Variants in DYNC1H1 observed in about 807,000 individuals in gnomAD.
The protein encoded by DYNC1H1 is cytoplasmic dynein 1 heavy chain 1.
Under a neutral mutation model 527.1 loss-of-function variants are expected in DYNC1H1, and 51 were observed. The ratio of observed to expected loss-of-function variants is 0.10; its 90% CI spans 0.08 to 0.12. The LOEUF (loss-of-function observed/expected upper bound fraction) is 0.12, where lower values mean the gene tolerates loss of function less well. DYNC1H1 is among the 10% of genes least tolerant of loss of function. The probability of loss-of-function intolerance (pLI) is 1.00; values close to 1 mark genes in which losing one functional copy is unlikely to be tolerated. For missense variants in DYNC1H1, 2,771 were observed against 5,971.8 expected (o/e 0.46, Z 17.66); for synonymous variants, 2,189 against 2,278.8 (o/e 0.96, Z 1.12).
intron 15 of DYNC1H1, 25 bp downstream of exon 15, chr14:101,995,325 T>A (rs751475555): frequency 1.2e-6 from 2 of 1,613,262 alleles, no homozygotes; most frequent in Admixed American, 1.7e-5. Flanking sequence ...TATTTAAAAA[T>A]TTTTGGCTGG....
Position 102,044,193 on chromosome 14 carries a change from G to A in DYNC1H1, c.12685-81G>A, listed in dbSNP as rs2048686873. On this transcript the variant is annotated intron_variant, in intron 70 of 77. Transcript: ENST00000360184. The surrounding 1 kb of genome is among the most constrained non-coding windows in gnomAD (Gnocchi z 7.1). ...CCTAGCTGGCCATGGGGAGTGAGGA[G>A]GAAAGCTGTGCCCCTCGAAAGGAAG... 13 of 1,591,340 alleles carry A rather than the reference G, an allele frequency of 8.2e-6. No individual in the cohort carries two copies. The highest frequency in any genetic ancestry group is 1.3e-5 in the African/African-American group (1 of 74,474).
chr14:102,042,463 C>G lies in DYNC1H1; in HGVS notation c.12355C>G (p.His4119Asp). The change falls in exon 68 of 78, where the codon CAT becomes GAT. Residue 4119 changes from histidine to aspartate, a missense_variant. Coordinates refer to ENST00000360184, the MANE Select transcript of DYNC1H1 (RefSeq NM_001376.5). The surrounding 1 kb of genome is among the most constrained non-coding windows in gnomAD (Gnocchi z 5.7). Reference sequence around the variant, plus strand: ...GAAGAAGTTGCATTCCCTGCAGCCGCATGCCTGCTTCCGACTCTTCCTCAC... The same window carrying G: ...GAAGAAGTTGCATTCCCTGCAGCCGGATGCCTGCTTCCGACTCTTCCTCAC... Reference protein sequence around the residue: ...LEKKLHSLQPHACFRLFLTME... With the variant: ...LEKKLHSLQPDACFRLFLTME... 1 of 1,614,164 alleles carries G rather than the reference C, an allele frequency of 6.2e-7. No individual in the cohort carries two copies. The highest frequency in any genetic ancestry group is 8.5e-7 in the Non-Finnish European group (1 of 1,180,034).
In DYNC1H1 at chr14:102,034,348, G is replaced by A. The variant is rs143068719; in HGVS notation, c.10650G>A (p.Thr3550=). ...AGTTCCGTACAGATATTGCCAGGAC[G>A]GAATACCTTTCCAATGCTGATGAGC... is the stretch of plus-strand genomic sequence containing the variant. ...NIQFRTDIAR[T]EYLSNADERL... is the part of the protein sequence containing the mutation. The change falls in exon 56 of 78, where the codon ACG becomes ACA. Residue 3550 remains threonine (T), a synonymous_variant. Transcript: ENST00000360184. The A allele has an allele frequency of 3.5e-5, 57 of 1,614,092 alleles. No homozygotes were observed. The highest frequency in any genetic ancestry group is 9.3e-5 in the African/African-American group (7 of 74,922).
chr14:102,038,794 A>C lies in DYNC1H1; in HGVS notation c.11152A>C (p.Lys3718Gln). ...LQSQCLNEVL[K>Q]AERPDVDEKR... ...AAGCCAGTGTCTAAATGAAGTACTT[A>C]AAGCAGAAAGACCTGATGTGGACGA... Residue 3718 changes from lysine to glutamine, a missense_variant, in exon 59 of 78, where the codon AAA becomes CAA. Coordinates refer to ENST00000360184, the MANE Select transcript of DYNC1H1 (RefSeq NM_001376.5). The surrounding 1 kb of genome is among the most constrained non-coding windows in gnomAD (Gnocchi z 7.2). The C allele has an allele frequency of 6.2e-7, 1 of 1,614,216 alleles. No individual in the cohort carries two copies. The highest frequency in any genetic ancestry group is 8.5e-7 in the Non-Finnish European group (1 of 1,180,028).
Position 101,986,262 on chromosome 14 carries a change from G to A in DYNC1H1, c.2037G>A (p.Gly679=), listed in dbSNP as rs1281025385. 1.9e-6 allele frequency: 3 copies of A among 1,613,940 alleles called. No individual in the cohort carries two copies. The highest frequency in any genetic ancestry group is 2.5e-6 in the Non-Finnish European group (3 of 1,179,914). ...AGGGCTGGGAGAATCACGTGGAGGG[G>A]CAGAAGCTGAAGCAGGATGGAGACA... ...LGKGWENHVE[G]QKLKQDGDSF... The change falls in exon 8 of 78, where the codon GGG becomes GGA. Residue 679 remains glycine (G), a synonymous_variant. Transcript: ENST00000360184. This position sits in a 1 kb window ranked among gnomAD's most constrained non-coding sequence, Gnocchi z 8.7.
In DYNC1H1 at chr14:102,051,158, A is replaced by G. The variant is rs752516011; in HGVS notation, c.*595A>G. On this transcript the variant is annotated 3_prime_UTR_variant, in exon 78 of 78. Coordinates refer to ENST00000360184, the MANE Select transcript of DYNC1H1 (RefSeq NM_001376.5). ...TGTAGTCCCAGCTACTTGAGGGCTG[A>G]GGTGGGAGGATCACCCAAGCCCAAG... 1.6e-4 allele frequency: 29 copies of G among 179,128 alleles called. No individual in the cohort carries two copies. Among genetic ancestry groups the G allele is most frequent in the Non-Finnish European group, 3.1e-4 (26 of 84,604 alleles). 11.1% of individuals were successfully genotyped at this position (179,128 alleles called of 1,614,324 possible).
chr14:102,008,113 G>A lies in DYNC1H1; in HGVS notation c.5818-65G>A, dbSNP rs17512348. ...GCATCAACATACTGATTTGTGGCAA[G>A]GGAGAGGGGAGACAATTGAGGGCAC... is the stretch of plus-strand genomic sequence containing the variant. On this transcript the variant is annotated intron_variant, in intron 28 of 77. Transcript: ENST00000360184. 35,121 of 1,606,364 alleles carry A rather than the reference G, an allele frequency of 0.022. 687 individuals are homozygous for A. Among genetic ancestry groups the A allele is most frequent in the South Asian group, 0.083 (7,547 of 90,702 alleles).
Position 102,053,742 on chromosome 14 carries a change from TCTTTG to T in DYNC1H1, c.*3180_*3184del, listed in dbSNP as rs2048846865. 7.1e-6 allele frequency: 1 copy of T among 140,050 alleles called. No homozygotes were observed. Among genetic ancestry groups the T allele is most frequent in the African/African-American group, 3.0e-5 (1 of 33,706 alleles). 8.7% of individuals were successfully genotyped at this position (140,050 alleles called of 1,614,324 possible). Reference sequence around the variant, plus strand: ...CAGGCGTGAGCCACCACACTCGGCCTCTTTGTTTGTTTTTTTTTTTTTTTGAGACA... The same window carrying T: ...CAGGCGTGAGCCACCACACTCGGCCTTTTGTTTTTTTTTTTTTTTGAGACA... On this transcript the variant is annotated 3_prime_UTR_variant, in exon 78 of 78. Transcript: ENST00000360184.
chr14:101,980,968 T>C (rs543750220), intron 5 of DYNC1H1, among the ~76,000 whole-genome samples: 3 of 152,328 alleles, frequency 2.0e-5, no homozygotes, highest in Non-Finnish European at 4.4e-5. Flanking sequence ...TCAGTACCAC[T>C]TTCTCTTCCT....
At position 102,042,257 on chromosome 14, in the gene DYNC1H1, A is replaced by C; in HGVS notation, c.12244A>C (p.Lys4082Gln). The part of the protein sequence containing the change: ...GSAEGFNQAD[K>Q]AINTAVKSGR... ...TGCAGAAGGCTTTAACCAAGCAGAT[A>C]AGGCAATAAACACCGCTGTAAAGTC... is the stretch of plus-strand genomic sequence containing the variant. Residue 4082 changes from lysine to glutamine, a missense_variant, in exon 67 of 78, where the codon AAG becomes CAG. This residue lies in a region of DYNC1H1 where 195 missense variants were observed against 428.6 expected (regional missense o/e 0.45). Coordinates refer to ENST00000360184, the MANE Select transcript of DYNC1H1 (RefSeq NM_001376.5). The surrounding 1 kb of genome is among the most constrained non-coding windows in gnomAD (Gnocchi z 5.7). 6.2e-7 allele frequency: 1 copy of C among 1,614,026 alleles called. No homozygotes were observed.
rs1199619119 is a variant in DYNC1H1 at position 102,030,226 on chromosome 14, T to G, written c.9827T>G (p.Met3276Arg). ...KQQEVIADKQ[M>R]SVKEDLDKVE... ...CAGGAGGTAATTGCAGACAAACAGATGAGTGTCAAAGAAGATCTTGATAAG... is the reference window on the plus strand; with the variant it reads ...CAGGAGGTAATTGCAGACAAACAGAGGAGTGTCAAAGAAGATCTTGATAAG... The change falls in exon 51 of 78, where the codon ATG (methionine) becomes AGG (arginine). Residue 3276 changes from methionine to arginine, a missense_variant. Physicochemically the swap from Met to Arg is moderately conservative, Grantham distance 91. Around this residue, in one of 32 missense-constraint regions of DYNC1H1, gnomAD observed 30 missense variants for 117.8 expected, o/e 0.25. Transcript: ENST00000360184. 6.2e-7 allele frequency: 1 copy of G among 1,614,104 alleles called. No homozygotes were observed. Among genetic ancestry groups the G allele is most frequent in the Non-Finnish European group, 8.5e-7 (1 of 1,180,020 alleles).
Position 102,015,459 on chromosome 14 carries a change from C to G in DYNC1H1, c.7242+127C>G, listed in dbSNP as rs2048309464. 8.8e-7 allele frequency: 1 copy of G among 1,131,576 alleles called. No individual in the cohort carries two copies. The highest frequency in any genetic ancestry group is 1.2e-6 in the Non-Finnish European group (1 of 803,282). 70.1% of individuals were successfully genotyped at this position (1,131,576 alleles called of 1,614,324 possible). A position where few individuals can be genotyped will look rare whatever the true frequency, so the allele number is the denominator to read the frequency against. ...AAGCAATCCACCTGCCTTGGCCTCTCAAAGTGCTGGGATTACAGGCATGAG... is the reference window on the plus strand; with the variant it reads ...AAGCAATCCACCTGCCTTGGCCTCTGAAAGTGCTGGGATTACAGGCATGAG... On this transcript the variant is annotated intron_variant, in intron 35 of 77. Coordinates refer to ENST00000360184, the MANE Select transcript of DYNC1H1 (RefSeq NM_001376.5). This position sits in a 1 kb window ranked among gnomAD's most constrained non-coding sequence, Gnocchi z 6.9.
chr14:102,040,477 G>T (rs538288706), intron 63 of DYNC1H1, 67 bp downstream of exon 63: 3 of 1,612,714 alleles, frequency 1.9e-6, no homozygotes, highest in African/African-American at 1.3e-5. Flanking sequence ...GTAAGGAATT[G>T]CATGTGGTAT....
intron 29 of DYNC1H1, 91 bp downstream of exon 29, chr14:102,008,428 C>T (rs912148263): frequency 1.2e-4 from 185 of 1,517,708 alleles, no homozygotes; most frequent in Middle Eastern, 3.4e-4. Flanking sequence ...TAGAAATAAG[C>T]AAGAATTTAG....
rs2048849452 is a variant in DYNC1H1 at position 102,053,877 on chromosome 14, T to A, written c.*3314T>A. On this transcript the variant is annotated 3_prime_UTR_variant, in exon 78 of 78. Coordinates refer to ENST00000360184, the MANE Select transcript of DYNC1H1 (RefSeq NM_001376.5). ...TCCTCCCACCTCAGCCTCCCCAGAC[T>A]ACAGGTGCACACCACCACGCCCGGC... The A allele has an allele frequency of 6.6e-6, 1 of 151,792 alleles. No individual in the cohort carries two copies. The highest frequency in any genetic ancestry group is 1.5e-5 in the Non-Finnish European group (1 of 68,358). The allele number at this position is 151,792 out of a possible 1,614,324, so 9.4% of individuals were successfully genotyped here.
chr14:102,030,129 T>C (rs769701768), intron 50 of DYNC1H1, 33 bp from the exon 51 acceptor site: 7 of 1,613,976 alleles, frequency 4.3e-6, no homozygotes, highest in Admixed American at 1.7e-5. Flanking sequence ...TAACCAATGC[T>C]TAACCCATAC....
At chr14:101,984,757 C>T (rs151135663) in intron 7 of DYNC1H1, among the ~76,000 whole-genome samples, 23,335 of 149,934 alleles carry the variant, frequency 0.16, 2,121 homozygotes, top group African/African-American at 0.24. Flanking sequence ...ACGGTGAAAC[C>T]CCATCTCTAC....
chr14:102,016,284 T>C lies in DYNC1H1; in HGVS notation c.7474-65T>C. The C allele has an allele frequency of 6.3e-7, 1 of 1,599,198 alleles. No individual in the cohort carries two copies. The highest frequency in any genetic ancestry group is 1.1e-5 in the South Asian group (1 of 89,634). On this transcript the variant is annotated intron_variant, in intron 36 of 77. Coordinates refer to ENST00000360184, the MANE Select transcript of DYNC1H1 (RefSeq NM_001376.5). The surrounding 1 kb of genome is among the most constrained non-coding windows in gnomAD (Gnocchi z 7.3). The stretch of plus-strand genomic sequence containing the variant: ...ACCACTGTCTTTAGGTTAACTTTGC[T>C]GTAAGTGTCTTTCTTTTGTTGTTGA...
Position 102,009,850 on chromosome 14 carries a change from C to A in DYNC1H1, c.5985C>A (p.Ala1995=). 1.2e-6 allele frequency: 2 copies of A among 1,614,056 alleles called. No individual in the cohort carries two copies. Among genetic ancestry groups the A allele is most frequent in the Non-Finnish European group, 8.5e-7 (1 of 1,180,024 alleles). ...CTATCATCTCATTCTCAGCCTCTGC[C>A]CCCATTACTTGTGAGCTGCTGAACA... ...HSNPNYDKTS[A]PITCELLNKQ... Residue 1995 remains alanine (A), a synonymous_variant, in exon 30 of 78, where the codon GCC becomes GCA. Coordinates refer to ENST00000360184, the MANE Select transcript of DYNC1H1 (RefSeq NM_001376.5).
Sources: gnomAD v4.1 joint callset for allele counts (sites outside exome capture counted in the v4.1 genomes callset) on GRCh38, gnomAD v4.1.1 for gene constraint, gnomAD v4.1.1 regional missense constraint, Gnocchi (gnomAD v3.1) non-coding constraint, MANE v1.5 for transcripts, NCBI Gene and HGNC (gene_info 2026-07-23, HGNC 2026-07-21) for gene names.